Variants in UHRF1 observed in about 807,000 individuals in gnomAD.
The protein encoded by UHRF1 is E3 ubiquitin-protein ligase UHRF1.
UHRF1 carries 9 observed loss-of-function variants against 96.5 expected under a neutral mutation model. The ratio of observed to expected loss-of-function variants is 0.09; its 90% CI spans 0.06 to 0.16. The LOEUF is 0.16. Among genes scored for constraint, UHRF1 ranks in the 10% least tolerant of loss-of-function variants. UHRF1 has a pLI of 1.00. For missense variants in UHRF1, 626 were observed against 1,131.1 expected (o/e 0.55, Z 6.40); for synonymous variants, 455 against 469.9 (o/e 0.97, Z 0.41).
rs534915630 is a variant in UHRF1 at position 4,954,998 on chromosome 19, G to C, written c.2130+176G>C. Among the ~76,000 whole-genome samples the C allele has an allele frequency of 6.6e-6, 1 of 152,094 alleles. No homozygotes were observed. Among genetic ancestry groups the C allele is most frequent in the South Asian group, 2.1e-4 (1 of 4,820 alleles). On this transcript the variant is annotated intron_variant, in intron 15 of 16. Transcript: ENST00000650932. The surrounding 1 kb of genome is among the most constrained non-coding windows in gnomAD (Gnocchi z 5.9). Reference sequence around the variant, plus strand: ...CCTCCAGAACTTTATCCTCTCCCCAGACTGAAACCCTGGCCCTGAAACTGT... The same window carrying C: ...CCTCCAGAACTTTATCCTCTCCCCACACTGAAACCCTGGCCCTGAAACTGT...
At position 4,929,290 on chromosome 19, in the gene UHRF1, C is replaced by A. The variant is rs2032971814; in HGVS notation, c.222C>A (p.Arg74=). 6.2e-7 allele frequency: 1 copy of A among 1,613,844 alleles called. No homozygotes were observed. Among genetic ancestry groups the A allele is most frequent in the African/African-American group, 1.3e-5 (1 of 74,958 alleles). ...RLNDTIQLLV[R]QSLVLPHSTK... ...ATGACACCATCCAGCTCCTGGTCCG[C>A]CAGAGCCTCGTGCTCCCCCACAGCA... The change falls in exon 3 of 17, where the codon CGC becomes CGA. Residue 74 remains arginine, a synonymous_variant. Transcript: ENST00000650932.
rs2251520 is a variant in UHRF1 at position 4,929,401 on chromosome 19, T to C, written c.333T>C (p.Gly111=). ...QSESDKSSTH[G]EAAAETDSRP... ...AGTCAGACAAGTCCTCCACCCACGG[T>C]GAGGCGGCCGCCGAGACTGACAGCA... Residue 111 remains glycine (G), a synonymous_variant, in exon 3 of 17, where the codon GGT becomes GGC. Transcript: ENST00000650932. 0.28 allele frequency: 456,826 copies of C among 1,613,086 alleles called. 68,412 individuals are homozygous for C. The highest frequency in any genetic ancestry group is 0.43 in the African/African-American group (31,820 of 74,864).
intron 5 of UHRF1, among the ~76,000 whole-genome samples, chr19:4,936,503 C>T (rs2033219747): frequency 6.6e-6 from 1 of 152,142 alleles, no homozygotes; most frequent in South Asian, 2.1e-4. Context: ...CTGCTCTGGG[C>T]AGTGCTAGGA....
chr19:4,919,649 G>A (rs948225430), intron 2 of UHRF1, among the ~76,000 whole-genome samples: 1 of 152,034 alleles, frequency 6.6e-6, no homozygotes, highest in Non-Finnish European at 1.5e-5. Flanking sequence ...AAAACGGCAA[G>A]TGGGTTTTAG....
upstream of UHRF1, among the ~76,000 whole-genome samples, chr19:4,908,101 T>G (rs969572156): frequency 1.3e-5 from 2 of 152,202 alleles, no homozygotes; most frequent in African/African-American, 4.8e-5. Flanking sequence ...TTAGGACCTT[T>G]TAAGGACATT....
intron 2 of UHRF1, among the ~76,000 whole-genome samples, chr19:4,920,513 G>A (rs984104844): frequency 5.3e-5 from 8 of 152,106 alleles, no homozygotes; most frequent in African/African-American, 1.9e-4. Flanking sequence ...TGTTCATTTT[G>A]CTCATTTCTA....
intron 2 of UHRF1, 61 bp from the exon 3 acceptor site, chr19:4,929,161 C>A: frequency 6.4e-7 from 1 of 1,566,048 alleles, no homozygotes; most frequent in South Asian, 1.2e-5. Context: ...ATCACTGGTG[C>A]CCACAGATGC....
At chr19:4,931,204 T>C (rs1248804485) in intron 4 of UHRF1, among the ~76,000 whole-genome samples, 2 of 152,212 alleles carry the variant, frequency 1.3e-5, no homozygotes, top group African/African-American at 2.4e-5. Context: ...CTCCAGTCTT[T>C]GCACAAGTGT....
rs757419709 is a variant in UHRF1, at chr19:4,944,290, T to G, written c.1197+35T>G. The G allele has an allele frequency of 6.8e-6, 11 of 1,613,622 alleles. No individual in the cohort carries two copies. In the Admixed American group the frequency reaches 1.5e-4, roughly 22 times the overall value. On this transcript the variant is annotated intron_variant, in intron 8 of 16. Coordinates refer to ENST00000650932, the MANE Select transcript of UHRF1 (RefSeq NM_001048201.3). ...GTCCTTCCCACGTGCCCGTGGCCCC[T>G]CCCCGCCTGCCAGGGCTCACGCTGT...
In UHRF1 at chr19:4,953,074, C is replaced by T. The variant is rs565037475; in HGVS notation, c.1819-1276C>T. ...TATTGGTGGGATGTGATGCTGAACA[C>T]GTCACCCGCGTTCGCTCACATTAAA... On this transcript the variant is annotated intron_variant, in intron 13 of 16. Coordinates refer to ENST00000650932, the MANE Select transcript of UHRF1 (RefSeq NM_001048201.3). Among the ~76,000 whole-genome samples the T allele has an allele frequency of 1.2e-4, 19 of 152,272 alleles. No individual in the cohort carries two copies. The South Asian group carries it at 3.5e-3, about 28-fold the overall frequency.
chr19:4,919,863 G>GCTC (rs2146305968), intron 2 of UHRF1, among the ~76,000 whole-genome samples: 1 of 151,608 alleles, frequency 6.6e-6, no homozygotes, highest in African/African-American at 2.4e-5. Context: ...TGTTGCCCAA[G>GCTC]CTGGAGTGCA....
chr19:4,928,104 A>AC (rs1337173123), intron 2 of UHRF1, among the ~76,000 whole-genome samples: 3 of 150,336 alleles, frequency 2.0e-5, no homozygotes, highest in South Asian at 2.1e-4. Context: ...GTGACTTCAC[A>AC]CCCCCCCACC....
upstream of UHRF1, chr19:4,909,177 G>A (rs367660456): frequency 5.2e-6 from 2 of 386,800 alleles, no homozygotes; most frequent in African/African-American, 2.1e-5. Context: ...CGAGTGGGGG[G>A]CTGCGAACGG....
chr19:4,957,095 G>A (rs1245187158), intron 16 of UHRF1, among the ~76,000 whole-genome samples: 1 of 152,082 alleles, frequency 6.6e-6, no homozygotes, highest in African/African-American at 2.4e-5. Flanking sequence ...ATCCCCTAGG[G>A]GTCAGGAAAG....
At chr19:4,935,157 A>G (rs2033178813) in intron 5 of UHRF1, among the ~76,000 whole-genome samples, 1 of 152,036 alleles carries the variant, frequency 6.6e-6, no homozygotes, top group African/African-American at 2.4e-5. Context: ...TAGTGGAGAC[A>G]GAGTTTCACC....
chr19:4,933,715 G>A (rs183223645), intron 5 of UHRF1, among the ~76,000 whole-genome samples: 30 of 152,186 alleles, frequency 2.0e-4, no homozygotes, highest in African/African-American at 5.3e-4. Flanking sequence ...AAACCACACC[G>A]CTTAGGAGTT....
intron 13 of UHRF1, among the ~76,000 whole-genome samples, chr19:4,953,310 C>T (rs112326150): frequency 4.8e-4 from 73 of 152,268 alleles, no homozygotes; most frequent in African/African-American, 1.7e-3. Context: ...AGTACCAAAC[C>T]GTTGATGTAT....
chr19:4,960,255 A>T (rs2033955355), intron 16 of UHRF1, among the ~76,000 whole-genome samples: 1 of 152,234 alleles, frequency 6.6e-6, no homozygotes, highest in South Asian at 2.1e-4. Flanking sequence ...TGTAGATAAG[A>T]TAAGCACATT....
intron 5 of UHRF1, among the ~76,000 whole-genome samples, chr19:4,935,509 T>G (rs754537727): frequency 6.6e-6 from 1 of 152,154 alleles, no homozygotes; most frequent in South Asian, 2.1e-4. Context: ...GTGGCTGATA[T>G]AATCCACTAC....
Sources: allele counts gnomAD v4.1 joint callset (sites outside exome capture counted in the v4.1 genomes callset), GRCh38; gene constraint gnomAD v4.1.1; non-coding constraint Gnocchi (gnomAD v3.1); transcripts MANE v1.5; gene names NCBI Gene and HGNC (gene_info 2026-07-23, HGNC 2026-07-21).